ASTN2: variants seen among roughly 807,000 people sequenced by gnomAD.
ASTN2 encodes the protein astrotactin-2.
In ASTN2, 54 loss-of-function variants were observed where a neutral mutation model predicts 139.8. That is an observed-to-expected ratio of 0.39 (90% CI 0.31 to 0.48). The LOEUF (loss-of-function observed/expected upper bound fraction) is 0.48. Ranked by LOEUF, ASTN2 falls within the 20% of genes least tolerant of loss-of-function variation. The pLI, the probability that ASTN2 is intolerant of heterozygous loss-of-function variation, is 0.95. For missense variants in ASTN2, 1,565 were observed against 1,725.1 expected (o/e 0.91, Z 1.64); for synonymous variants, 756 against 719.5 (o/e 1.05, Z -0.81).
chr9:117,266,041 T>A (rs1349164741), intron 2 of ASTN2, among the ~76,000 whole-genome samples: 1 of 152,202 alleles, frequency 6.6e-6, no homozygotes, highest in Non-Finnish European at 1.5e-5. Flanking sequence ...TAGGCTTAAC[T>A]CCCTGTGACC....
chr9:117,325,092 CAG>C (rs754241294), intron 1 of ASTN2, among the ~76,000 whole-genome samples: 2 of 152,084 alleles, frequency 1.3e-5, no homozygotes, highest in African/African-American at 4.8e-5. Context: ...GGGTTGATAA[CAG>C]AGAGTGGAAT....
chr9:117,066,930 C>A (rs372758063), intron 5 of ASTN2, among the ~76,000 whole-genome samples: 2 of 86,108 alleles, frequency 2.3e-5, no homozygotes, highest in Non-Finnish European at 5.0e-5. Context: ...GAGTAGGTTG[C>A]GAAAATTTTC....
Position 116,698,209 on chromosome 9 carries a change from T to C in ASTN2, c.2806+27562A>G, listed in dbSNP as rs145907585. On this transcript the variant is annotated intron_variant, in intron 16 of 22. Coordinates refer to ENST00000313400, the MANE Select transcript of ASTN2 (RefSeq NM_001365068.1). The surrounding 1 kb of genome is among the most constrained non-coding windows in gnomAD (Gnocchi z 4.4). The stretch of plus-strand genomic sequence containing the variant: ...GACTTTGGAGAGAAGTTAACTCGTC[T>C]GCGGGAACTTATGGGGGAGCTGCAG... 7.6e-5 allele frequency: 123 copies of C among 1,614,038 alleles called. No individual in the cohort carries two copies. The highest frequency in any genetic ancestry group is 9.8e-5 in the Non-Finnish European group (116 of 1,180,048).
intron 16 of ASTN2, chr9:116,686,801 T>C (rs2132037318): frequency 6.4e-7 from 1 of 1,550,612 alleles, no homozygotes; most frequent in Non-Finnish European, 8.7e-7. Flanking sequence ...GAGCAATGTG[T>C]TCATGGATAA....
chr9:116,467,793 A>G (rs866935326), intron 20 of ASTN2, among the ~76,000 whole-genome samples: 2 of 152,244 alleles, frequency 1.3e-5, no homozygotes, highest in Admixed American at 6.5e-5. Context: ...ATTAAACTTA[A>G]TATCTGGCAC....
intron 10 of ASTN2, among the ~76,000 whole-genome samples, chr9:116,960,248 T>C (rs1314824583): frequency 6.6e-6 from 1 of 152,142 alleles, no homozygotes; most frequent in Non-Finnish European, 1.5e-5. Context: ...CCAAAGGGTT[T>C]CAAAAACCTG....
At chr9:116,695,004 C>T (rs1860772273) in intron 16 of ASTN2, among the ~76,000 whole-genome samples, 1 of 152,162 alleles carries the variant, frequency 6.6e-6, no homozygotes, top group African/African-American at 2.4e-5. Context: ...GCAGCAGAAT[C>T]TCATAACTAT....
At position 117,270,040 on chromosome 9, in the gene ASTN2, T is replaced by A. The variant is rs545493458; in HGVS notation, c.630+21286A>T. 2.0e-5 allele frequency among the ~76,000 whole-genome samples: 3 copies of A among 152,322 alleles called. No homozygotes were observed. In the East Asian group the frequency reaches 5.8e-4, roughly 29 times the overall value. ...TGCCCTAAATCACAAGTAGAGGTAA[T>A]AGGAAATTTGGGATTTAAACCCAAA... On this transcript the variant is annotated intron_variant, in intron 2 of 22. Coordinates refer to ENST00000313400, the MANE Select transcript of ASTN2 (RefSeq NM_001365068.1).
chr9:116,983,274 C>A (rs961814653), intron 7 of ASTN2, among the ~76,000 whole-genome samples: 1 of 152,132 alleles, frequency 6.6e-6, no homozygotes, highest in Non-Finnish European at 1.5e-5. Context: ...GGGCCAGGCA[C>A]GTAGTGGGAA....
chr9:116,877,702 G>A (rs1833340022), intron 10 of ASTN2, among the ~76,000 whole-genome samples: 1 of 152,104 alleles, frequency 6.6e-6, no homozygotes. Context: ...CTGTCCCCAG[G>A]AGAGCTGGGA....
chr9:116,627,336 T>A (rs1453377568), intron 17 of ASTN2, among the ~76,000 whole-genome samples: 2 of 152,148 alleles, frequency 1.3e-5, no homozygotes, highest in Non-Finnish European at 2.9e-5. Flanking sequence ...CATACAAGCA[T>A]ATTCATTGGC....
Position 117,252,617 on chromosome 9 carries a change from A to T in ASTN2, c.631-37875T>A, listed in dbSNP as rs531272512. On this transcript the variant is annotated intron_variant, in intron 2 of 22. Transcript: ENST00000313400. ...AATCGTTATGTTGTTAGAGTGTTTTATATTTGCCAGGGACTAGATATGTCT... is the reference window on the plus strand; with the variant it reads ...AATCGTTATGTTGTTAGAGTGTTTTTTATTTGCCAGGGACTAGATATGTCT... Among the ~76,000 whole-genome samples, 3 of 152,358 alleles carry T rather than the reference A, an allele frequency of 2.0e-5. No individual in the cohort carries two copies. In the South Asian group the frequency reaches 6.2e-4, roughly 32 times the overall value.
chr9:117,047,843 AATTGTT>A (rs1254772446), intron 5 of ASTN2, among the ~76,000 whole-genome samples: 1 of 151,896 alleles, frequency 6.6e-6, no homozygotes, highest in Non-Finnish European at 1.5e-5. Flanking sequence ...CCATAATAAT[AATTGTT>A]ATTATTATTA....
intron 16 of ASTN2, among the ~76,000 whole-genome samples, chr9:116,709,602 T>C (rs4141711): frequency 0.85 from 129,423 of 152,194 alleles, 55,127 homozygotes; most frequent in Middle Eastern, 0.89. Flanking sequence ...AAAAACAGTT[T>C]TCTATCCAAG....
chr9:116,591,506 T>C (rs1352638835), intron 19 of ASTN2, among the ~76,000 whole-genome samples: 1 of 152,210 alleles, frequency 6.6e-6, no homozygotes, highest in Non-Finnish European at 1.5e-5. Context: ...TACCTCTAGA[T>C]ATAAAAACAT....
At chr9:116,561,225 A>G (rs189045238) in intron 19 of ASTN2, among the ~76,000 whole-genome samples, 3 of 152,274 alleles carry the variant, frequency 2.0e-5, no homozygotes, top group Admixed American at 2.0e-4. Context: ...GCATTTGGTC[A>G]TCTTCTTATG....
intron 17 of ASTN2, among the ~76,000 whole-genome samples, chr9:116,650,872 G>A (rs1317257616): frequency 1.3e-5 from 2 of 151,294 alleles, no homozygotes; most frequent in Admixed American, 6.6e-5. Context: ...AATTGTGGAA[G>A]CATCAGGTCA....
Position 117,067,465 on chromosome 9 carries a change from G to C in ASTN2, c.1277-27500C>G, listed in dbSNP as rs1390570775. ...TGATGCCTCCAGCTTTGTTCTTTTG[G>C]CTTAGGATTGACTTGGCGATGCGGG... On this transcript the variant is annotated intron_variant, in intron 5 of 22. Coordinates refer to ENST00000313400, the MANE Select transcript of ASTN2 (RefSeq NM_001365068.1). 4.7e-3 allele frequency among the ~76,000 whole-genome samples: 471 copies of C among 99,502 alleles called. 4 individuals carry two copies. The highest frequency in any genetic ancestry group is 7.7e-3 in the Non-Finnish European group (355 of 46,152). The allele number at this position is 99,502 out of a possible 152,430, so 65.3% of individuals were successfully genotyped here. A position where few individuals can be genotyped will look rare whatever the true frequency, so the allele number is the denominator to read the frequency against.
chr9:116,751,988 CAA>C (rs1431093854), intron 13 of ASTN2, among the ~76,000 whole-genome samples: 1 of 152,146 alleles, frequency 6.6e-6, no homozygotes, highest in Non-Finnish European at 1.5e-5. Context: ...GTAGGCTTGG[CAA>C]ACTGATTTTA....
Sources: gnomAD v4.1 joint callset for allele counts (sites outside exome capture counted in the v4.1 genomes callset) on GRCh38, gnomAD v4.1.1 for gene constraint, Gnocchi (gnomAD v3.1) non-coding constraint, MANE v1.5 for transcripts, NCBI Gene and HGNC (gene_info 2026-07-23, HGNC 2026-07-21) for gene names.